LAMA1: variants seen among roughly 807,000 people sequenced by gnomAD.
LAMA1 encodes the protein laminin subunit alpha-1.
LAMA1 carries 219 observed loss-of-function variants against 348.7 expected under a neutral mutation model. That is an observed-to-expected ratio of 0.63 (90% CI 0.56 to 0.70). LAMA1 has a LOEUF of 0.70. Ranked by LOEUF, LAMA1 falls within the 30% of genes least tolerant of loss-of-function variation. LAMA1 has a pLI of 0.00. For synonymous variants in LAMA1, 1,487 were observed against 1,491.0 expected, an observed-to-expected ratio of 1.00 and a Z score of 0.06; for missense variants, 3,744 against 3,888.0, an observed-to-expected ratio of 0.96 and a Z score of 0.99.
At chr18:6,971,124 C>T (rs939992831) in intron 48 of LAMA1, among the ~76,000 whole-genome samples, 6 of 151,984 alleles carry the variant, frequency 3.9e-5, no homozygotes, top group African/African-American at 9.7e-5. Flanking sequence ...ATTTCTCTAA[C>T]GGAAAAAAGC....
chr18:7,116,381 G>C (rs2058356474), intron 1 of LAMA1, among the ~76,000 whole-genome samples: 1 of 152,168 alleles, frequency 6.6e-6, no homozygotes, highest in Admixed American at 6.5e-5. Flanking sequence ...CTTTCTTCTG[G>C]CTGATAACTA....
At chr18:7,111,511 A>G (rs7240485) in intron 1 of LAMA1, among the ~76,000 whole-genome samples, 14,341 of 152,216 alleles carry the variant, frequency 0.094, 1,667 homozygotes, top group African/African-American at 0.28. Flanking sequence ...GCACTGTCAC[A>G]CCCAGTATAA....
At chr18:6,997,542 C>A (rs953403999) in intron 33 of LAMA1, among the ~76,000 whole-genome samples, 200 bp downstream of exon 33, 1 of 152,136 alleles carries the variant, frequency 6.6e-6, no homozygotes, top group African/African-American at 2.4e-5. Context: ...CACCGTGAAA[C>A]AAGCTAGCGT....
At chr18:7,106,411 G>A in intron 1 of LAMA1, among the ~76,000 whole-genome samples, 1 of 150,900 alleles carries the variant, frequency 6.6e-6, no homozygotes, top group East Asian at 2.0e-4. Flanking sequence ...CCAGGCTGGA[G>A]TGCAGTGGCG....
chr18:7,113,283 T>C (rs2058343002), intron 1 of LAMA1, among the ~76,000 whole-genome samples: 1 of 152,174 alleles, frequency 6.6e-6, no homozygotes, highest in Admixed American at 6.5e-5. Flanking sequence ...CCAGGAAACA[T>C]TAGTTAGCTA....
Position 7,013,815 on chromosome 18 carries a change from C to A in LAMA1, c.3363G>T (p.Lys1121Asn), listed in dbSNP as rs191922140. The A allele has an allele frequency of 2.5e-6, 4 of 1,610,974 alleles. No individual in the cohort carries two copies. The highest frequency in any genetic ancestry group is 3.4e-6 in the Non-Finnish European group (4 of 1,178,530). ...CVEETGACPCKENVFGPQCNE... is the reference protein window; with the variant it reads ...CVEETGACPCNENVFGPQCNE... ...AAAGAGGAGGATGGATGGTAAATAC[C>A]TTGCAAGGGCAGGCCCCGGTTTCCT... The change falls in exon 23 of 63, where the codon AAG (lysine) becomes AAT (asparagine). Residue 1121 changes from lysine (K) to asparagine (N), a missense_variant and splice_region_variant. Around this residue, in one of 3 missense-constraint regions of LAMA1, gnomAD observed 1,529 missense variants for 1,689.4 expected, o/e 0.91. Transcript: ENST00000389658.
intron 1 of LAMA1, among the ~76,000 whole-genome samples, chr18:7,095,184 ATT>A (rs1315868913): frequency 1.4e-5 from 2 of 145,980 alleles, no homozygotes; most frequent in Non-Finnish European, 3.0e-5. Context: ...AAAATTAACA[ATT>A]TGTTTCCTTT....
chr18:6,990,777 T>C (rs1191016676), intron 36 of LAMA1, among the ~76,000 whole-genome samples: 1 of 152,108 alleles, frequency 6.6e-6, no homozygotes, highest in Admixed American at 6.5e-5. Context: ...CCATCTTTTA[T>C]GGAATGGGTC....
chr18:6,949,612 A>G (rs1428744441), intron 58 of LAMA1, among the ~76,000 whole-genome samples: 1 of 152,244 alleles, frequency 6.6e-6, no homozygotes, highest in Admixed American at 6.5e-5. Flanking sequence ...TTGATAGTTT[A>G]AAACAAAGAT....
At chr18:6,951,664 G>C (rs2057547382) in intron 57 of LAMA1, among the ~76,000 whole-genome samples, 1 of 12,284 alleles carries the variant, frequency 8.1e-5, no homozygotes, top group Non-Finnish European at 3.1e-4. Flanking sequence ...CAGGGGGTCA[G>C]GGGTGAAGCG....
rs1327760420 is a variant in LAMA1 at position 7,035,623 on chromosome 18, C to T, written c.1839+364G>A. Among the ~76,000 whole-genome samples, 3 of 152,102 alleles carry T rather than the reference C, an allele frequency of 2.0e-5. No individual in the cohort carries two copies. In the East Asian group the frequency reaches 5.8e-4, roughly 30 times the overall value. ...GAGAGACGGGGGTCTCACTATGTTG[C>T]CCAGACTGGTCTCAAACTCCTGGCT... is the stretch of plus-strand genomic sequence containing the variant. On this transcript the variant is annotated intron_variant, in intron 13 of 62. Coordinates refer to ENST00000389658, the MANE Select transcript of LAMA1 (RefSeq NM_005559.4).
intron 22 of LAMA1, among the ~76,000 whole-genome samples, chr18:7,014,352 G>T (rs2057875698): frequency 6.6e-6 from 1 of 152,172 alleles, no homozygotes; most frequent in Non-Finnish European, 1.5e-5. Context: ...CAGGCACAGT[G>T]GTTCACGCCT....
chr18:7,037,789 G>C, intron 11 of LAMA1, 38 bp from the exon 12 acceptor site: 1 of 1,596,142 alleles, frequency 6.3e-7, no homozygotes, highest in Non-Finnish European at 8.6e-7. Flanking sequence ...GTATGAAATA[G>C]AACTTACCTT....
At chr18:7,020,136 C>G (rs1212697535) in intron 19 of LAMA1, among the ~76,000 whole-genome samples, 1 of 152,066 alleles carries the variant, frequency 6.6e-6, no homozygotes, top group Non-Finnish European at 1.5e-5. Flanking sequence ...CCTCATTTAA[C>G]TTATTTAATA....
rs112202506 is a variant in LAMA1 at position 7,097,772 on chromosome 18, C to T, written c.62-17315G>A. 8.6e-3 allele frequency among the ~76,000 whole-genome samples: 1,312 copies of T among 152,272 alleles called. 19 individuals are homozygous for T. Among genetic ancestry groups the T allele is most frequent in the African/African-American group, 0.025 (1,022 of 41,538 alleles). On this transcript the variant is annotated intron_variant, in intron 1 of 62. Coordinates refer to ENST00000389658, the MANE Select transcript of LAMA1 (RefSeq NM_005559.4). ...GCAAAGGTGCGAAGGCAATTTTCAA[C>T]AAATGTTGCTGGGACCACTGGATAT...
intron 41 of LAMA1, 82 bp downstream of exon 41, chr18:6,982,415 C>G: frequency 4.5e-6 from 5 of 1,113,628 alleles, no homozygotes; most frequent in Non-Finnish European, 6.9e-6. Flanking sequence ...TTGCTGCATG[C>G]AAGGAGAACA....
intron 58 of LAMA1, 41 bp from the exon 59 acceptor site, chr18:6,949,300 G>GA (rs1451473577): frequency 1.2e-6 from 2 of 1,601,140 alleles, no homozygotes; most frequent in Non-Finnish European, 1.7e-6. Flanking sequence ...TGAGGAATCT[G>GA]AAAAAACTTT....
At chr18:7,061,255 A>G (rs1049058289) in intron 3 of LAMA1, among the ~76,000 whole-genome samples, 2 of 152,182 alleles carry the variant, frequency 1.3e-5, no homozygotes, top group East Asian at 1.9e-4. Context: ...ATTTCTCCCT[A>G]TAATTGTTCC....
chr18:7,040,962 C>T (rs986352317), intron 9 of LAMA1, among the ~76,000 whole-genome samples: 1 of 152,164 alleles, frequency 6.6e-6, no homozygotes, highest in African/African-American at 2.4e-5. Flanking sequence ...AGGTAATTAA[C>T]GATTGCCAGG....
Sources: allele counts gnomAD v4.1 joint callset (sites outside exome capture counted in the v4.1 genomes callset), GRCh38; gene constraint gnomAD v4.1.1; regional missense constraint gnomAD v4.1.1; transcripts MANE v1.5; gene names NCBI Gene and HGNC (gene_info 2026-07-23, HGNC 2026-07-21).